Variants in EYA2 observed in about 807,000 individuals in gnomAD.
The protein encoded by EYA2 is EYA transcriptional coactivator and phosphatase 2, also known as protein phosphatase EYA2.
EYA2 carries 31 observed loss-of-function variants against 69.2 expected under a neutral mutation model. The observed-to-expected ratio is 0.45, with a 90% confidence interval of 0.34 to 0.60. The LOEUF (loss-of-function observed/expected upper bound fraction) is 0.60, where lower values mean the gene tolerates loss of function less well. Ranked by LOEUF, EYA2 falls within the 20% of genes least tolerant of loss-of-function variation. EYA2 has a pLI of 0.02. For synonymous variants in EYA2, 257 were observed against 279.4 expected (o/e 0.92, Z 0.80); for missense variants, 622 against 701.2 (o/e 0.89, Z 1.28).
chr20:47,059,911 A>G (rs529543278), intron 5 of EYA2, among the ~76,000 whole-genome samples: 1 of 152,308 alleles, frequency 6.6e-6, no homozygotes, highest in South Asian at 2.1e-4. Flanking sequence ...ACCTTTCACT[A>G]TTCTGTCTTC....
chr20:46,968,446 T>C (rs1979924329), intron 1 of EYA2, among the ~76,000 whole-genome samples: 1 of 152,204 alleles, frequency 6.6e-6, no homozygotes, highest in Non-Finnish European at 1.5e-5. Flanking sequence ...ATTGTACAGA[T>C]GAGCAGGGAC....
chr20:47,078,156 G>A (rs1423050148), intron 7 of EYA2, among the ~76,000 whole-genome samples: 1 of 152,110 alleles, frequency 6.6e-6, no homozygotes. Flanking sequence ...TTGATCAAAG[G>A]TTCAACAGTA....
intron 5 of EYA2, among the ~76,000 whole-genome samples, chr20:47,042,793 G>A (rs115059428): frequency 0.027 from 4,159 of 152,166 alleles, 205 homozygotes; most frequent in African/African-American, 0.093. Flanking sequence ...ACCTCCAGCC[G>A]TCACCTCCAC....
intron 7 of EYA2, among the ~76,000 whole-genome samples, chr20:47,083,051 G>A (rs1413888114): frequency 6.6e-6 from 1 of 152,068 alleles, no homozygotes; most frequent in Admixed American, 6.5e-5. Flanking sequence ...AAATAACCCA[G>A]GCAGTGGGTT....
intron 1 of EYA2, among the ~76,000 whole-genome samples, chr20:46,933,787 A>G (rs756319825): frequency 5.3e-5 from 8 of 152,188 alleles, no homozygotes; most frequent in Non-Finnish European, 1.0e-4. Context: ...AGTCTTGCCT[A>G]TGGGGCTTTT....
At chr20:47,090,995 C>T (rs994630684) in intron 8 of EYA2, among the ~76,000 whole-genome samples, 6 of 151,998 alleles carry the variant, frequency 3.9e-5, no homozygotes, top group Non-Finnish European at 8.8e-5. Context: ...CTAGGTGTCT[C>T]GGTAGGATTG....
chr20:47,011,287 G>A (rs1031564909), intron 4 of EYA2, among the ~76,000 whole-genome samples: 8 of 152,126 alleles, frequency 5.3e-5, no homozygotes, highest in Non-Finnish European at 8.8e-5. Flanking sequence ...GACAGGAAAC[G>A]AGTACTCTGG....
intron 5 of EYA2, among the ~76,000 whole-genome samples, chr20:47,033,738 A>G (rs1401845746): frequency 6.6e-6 from 1 of 152,246 alleles, no homozygotes; most frequent in Admixed American, 6.5e-5. Context: ...CCAGTGTTCA[A>G]ATTGAAGGCT....
rs143502609 is a variant in EYA2, at chr20:47,183,898, G to A, written c.1536+507G>A. ...TCCTGGGTCTGGATCTGTCAACAGC[G>A]CCCCAGAGAGGCTGCCACCCCCAAC... On this transcript the variant is annotated intron_variant, in intron 15 of 15. Transcript: ENST00000327619. Among the ~76,000 whole-genome samples, 53 of 152,242 alleles carry A rather than the reference G, an allele frequency of 3.5e-4. 1 individual carries two copies. The East Asian group carries it at 3.7e-3, about 11-fold the overall frequency.
At chr20:47,169,329 G>A (rs2034271296) in intron 11 of EYA2, 132 bp downstream of exon 11, 4 of 859,926 alleles carry the variant, frequency 4.7e-6, no homozygotes, top group Non-Finnish European at 7.7e-6. Flanking sequence ...AGCCAGAACT[G>A]GGACTTTTGC....
At chr20:46,987,990 A>C in intron 1 of EYA2, among the ~76,000 whole-genome samples, 2 of 79,744 alleles carry the variant, frequency 2.5e-5, no homozygotes, top group Non-Finnish European at 4.7e-5. Flanking sequence ...ATATATATAT[A>C]TATATATGGG....
chr20:47,017,440 T>G (rs1019062141), intron 5 of EYA2, among the ~76,000 whole-genome samples: 1 of 152,200 alleles, frequency 6.6e-6, no homozygotes, highest in Admixed American at 6.5e-5. Context: ...TTTGATAGTA[T>G]TTTTCTTTTA....
At position 47,096,432 on chromosome 20, in the gene EYA2, C is replaced by T. The variant is rs891282906; in HGVS notation, c.805-653C>T. On this transcript the variant is annotated intron_variant, in intron 8 of 15. Transcript: ENST00000327619. ...AAGCTACAGCTGATAGACATTAGAG[C>T]GGGGAGGATGTATGGGAAAAGGTAG... Among the ~76,000 whole-genome samples, 68 of 152,178 alleles carry T rather than the reference C, an allele frequency of 4.5e-4. 1 individual carries two copies. The highest frequency in any genetic ancestry group is 2.1e-4 in the South Asian group (1 of 4,820).
intron 1 of EYA2, among the ~76,000 whole-genome samples, chr20:46,961,109 C>T (rs537038031): frequency 6.6e-6 from 1 of 152,300 alleles, no homozygotes; most frequent in Admixed American, 6.5e-5. Context: ...CCGAGGCAGG[C>T]GGGTCACCTG....
intron 4 of EYA2, among the ~76,000 whole-genome samples, chr20:47,008,678 G>C (rs1212096225): frequency 6.6e-6 from 1 of 152,224 alleles, no homozygotes; most frequent in Non-Finnish European, 1.5e-5. Flanking sequence ...TCTGCTCCTG[G>C]ATGATACAGA....
At chr20:46,943,044 G>A (rs1456491303) in intron 1 of EYA2, among the ~76,000 whole-genome samples, 1 of 152,252 alleles carries the variant, frequency 6.6e-6, no homozygotes, top group Non-Finnish European at 1.5e-5. Flanking sequence ...GGGATTATGG[G>A]CGTGAGCCTG....
intron 7 of EYA2, among the ~76,000 whole-genome samples, chr20:47,074,798 T>G (rs2031451930): frequency 6.6e-6 from 1 of 152,150 alleles, no homozygotes; most frequent in African/African-American, 2.4e-5. Flanking sequence ...GCCTTGGAGT[T>G]GATGAACCCT....
At chr20:46,912,794 G>A (rs571337454) in intron 1 of EYA2, among the ~76,000 whole-genome samples, 32 of 150,358 alleles carry the variant, frequency 2.1e-4, no homozygotes, top group African/African-American at 5.4e-4. Context: ...TCCGCTTCCC[G>A]GGTTCACGCC....
intron 10 of EYA2, among the ~76,000 whole-genome samples, chr20:47,155,860 C>T (rs1177494516): frequency 1.3e-5 from 2 of 150,762 alleles, no homozygotes; most frequent in African/African-American, 4.9e-5. Flanking sequence ...GAACATGCAT[C>T]AACTGAATGG....
Sources: allele counts gnomAD v4.1 joint callset (sites outside exome capture counted in the v4.1 genomes callset), GRCh38; gene constraint gnomAD v4.1.1; transcripts MANE v1.5; gene names NCBI Gene and HGNC (gene_info 2026-07-23, HGNC 2026-07-21).